Variants in ANK3 observed in about 807,000 individuals in gnomAD.
ANK3 encodes ankyrin-3.
In ANK3, 57 loss-of-function variants were observed where a neutral mutation model predicts 370.9. That is an observed-to-expected ratio of 0.15 (90% CI 0.12 to 0.19). The LOEUF is 0.19. ANK3 is among the 10% of genes least tolerant of loss of function. The pLI, the probability that ANK3 is intolerant of heterozygous loss-of-function variation, is 1.00. For missense variants in ANK3, 4,439 were observed against 5,302.1 expected (o/e 0.84, Z 5.06); for synonymous variants, 1,929 against 1,946.3 (o/e 0.99, Z 0.23).
intron 8 of ANK3, among the ~76,000 whole-genome samples, chr10:60,219,817 T>A (rs906903998): frequency 1.3e-5 from 2 of 152,178 alleles, no homozygotes; most frequent in African/African-American, 4.8e-5. Context: ...CTAATTATTC[T>A]AATGTATAAG....
intron 2 of ANK3, among the ~76,000 whole-genome samples, chr10:60,454,613 AC>A (rs1156304189): frequency 1.3e-5 from 2 of 152,106 alleles, no homozygotes; most frequent in African/African-American, 2.4e-5. Context: ...AAAATAGGCC[AC>A]CCTTTGGCTC....
At chr10:60,092,070 C>G (rs192575440) in intron 28 of ANK3, among the ~76,000 whole-genome samples, 211 of 152,210 alleles carry the variant, frequency 1.4e-3, no homozygotes, top group African/African-American at 4.9e-3. Flanking sequence ...AAGAAACATT[C>G]TAGGCTGTTA....
At chr10:60,066,881 TC>T (rs1239925226) in intron 38 of ANK3, among the ~76,000 whole-genome samples, 1 of 152,194 alleles carries the variant, frequency 6.6e-6, no homozygotes, top group Non-Finnish European at 1.5e-5. Flanking sequence ...TGCAGAATTG[TC>T]CAATTTGTCC....
chr10:60,247,893 T>C (rs570019984), intron 7 of ANK3, among the ~76,000 whole-genome samples: 103 of 152,258 alleles, frequency 6.8e-4, no homozygotes, highest in African/African-American at 2.4e-3. Context: ...TGTTGAACTC[T>C]TGACCTCAGA....
intron 23 of ANK3, chr10:60,145,834 T>C (rs932432724): frequency 4.7e-5 from 28 of 595,898 alleles, no homozygotes; most frequent in Non-Finnish European, 8.1e-5. Flanking sequence ...TTTGTCTGTT[T>C]TGCTTCATAT....
At chr10:60,251,016 A>G (rs2097655462) in intron 7 of ANK3, among the ~76,000 whole-genome samples, 1 of 152,178 alleles carries the variant, frequency 6.6e-6, no homozygotes, top group Non-Finnish European at 1.5e-5. Flanking sequence ...GTATCTTAGC[A>G]CTAGCTCCAC....
rs57300403 is a variant in ANK3 at position 60,642,794 on chromosome 10, TAA to T, written c.58-27572_58-27571del. On this transcript the variant is annotated intron_variant, in intron 1 of 43. Transcript: ENST00000373827. Reference sequence around the variant, plus strand: ...AAAGTATAATAATGATAAAATAAAATAAAGAGGCATTTTATAATAAGGAGTTA... The same window carrying T: ...AAAGTATAATAATGATAAAATAAAATAGAGGCATTTTATAATAAGGAGTTA... Among the ~76,000 whole-genome samples, 310 of 152,106 alleles carry T rather than the reference TAA, an allele frequency of 2.0e-3. 1 individual carries two copies. Among genetic ancestry groups the T allele is most frequent in the African/African-American group, 7.0e-3 (291 of 41,518 alleles).
intron 2 of ANK3, among the ~76,000 whole-genome samples, chr10:60,522,674 T>G (rs2076375476): frequency 6.6e-6 from 1 of 152,010 alleles, no homozygotes. Context: ...ATTCCTATCC[T>G]CTCCTAAATG....
Position 60,063,247 on chromosome 10 carries a change from G to C in ANK3, c.12459C>G (p.Ala4153=). The change falls in exon 40 of 44, where the codon GCC becomes GCG. Residue 4153 remains alanine, a synonymous_variant. Transcript: ENST00000280772. ...TRDGKNATTD[A]LTSVLTKINR... ...TAATTTTTGTCAAGACCGAAGTTAA[G>C]GCATCAGCTGAAAAGGAGAAAAAAA... The C allele has an allele frequency of 6.2e-7, 1 of 1,605,840 alleles. No homozygotes were observed. The highest frequency in any genetic ancestry group is 1.1e-5 in the South Asian group (1 of 88,848).
At chr10:60,497,710 C>T (rs1031790011) in intron 2 of ANK3, among the ~76,000 whole-genome samples, 2 of 152,132 alleles carry the variant, frequency 1.3e-5, no homozygotes, top group African/African-American at 4.8e-5. Context: ...GGCACTGTAG[C>T]CATCTATTTT....
At chr10:60,140,336 A>C (rs1163357802) in intron 23 of ANK3, 8 of 1,613,544 alleles carry the variant, frequency 5.0e-6, no homozygotes, top group Non-Finnish European at 5.9e-6. Flanking sequence ...CACCAAGTAC[A>C]ACTCAAAGAT....
At chr10:60,326,558 C>G (rs2049917326) in intron 1 of ANK3, among the ~76,000 whole-genome samples, 1 of 152,098 alleles carries the variant, frequency 6.6e-6, no homozygotes, top group Non-Finnish European at 1.5e-5. Context: ...AACGCTTCCT[C>G]TCCCTCCTTT....
chr10:60,493,688 G>A (rs926331966), intron 2 of ANK3, among the ~76,000 whole-genome samples: 3 of 151,710 alleles, frequency 2.0e-5, no homozygotes, highest in African/African-American at 7.3e-5. Context: ...CCAAAAAATG[G>A]GTTGGCTATA....
chr10:60,208,817 A>C (rs1045031749), intron 9 of ANK3, among the ~76,000 whole-genome samples: 2 of 152,218 alleles, frequency 1.3e-5, no homozygotes, highest in African/African-American at 4.8e-5. Context: ...AACGCATTTC[A>C]TCTCACATCA....
rs375195775 is a variant in ANK3, at chr10:60,601,344, G to T, written c.96+13842C>A. Among the ~76,000 whole-genome samples, 8 of 151,968 alleles carry T rather than the reference G, an allele frequency of 5.3e-5. No homozygotes were observed. In the East Asian group the frequency reaches 1.5e-3, roughly 29 times the overall value. ...AAAAAAAAGTTATAACGCAAAACAT[G>T]GCAAAAATTGCCTTGTTCAGGTCGT... On this transcript the variant is annotated intron_variant, in intron 2 of 43. Transcript: ENST00000373827.
intron 8 of ANK3, among the ~76,000 whole-genome samples, chr10:60,220,890 A>G (rs2097040130): frequency 6.6e-6 from 1 of 152,182 alleles, no homozygotes; most frequent in Non-Finnish European, 1.5e-5. Flanking sequence ...AGAATTTCAA[A>G]CTGTGCTCAC....
intron 7 of ANK3, among the ~76,000 whole-genome samples, chr10:60,247,503 A>G (rs2097574500): frequency 6.6e-6 from 1 of 152,188 alleles, no homozygotes; most frequent in Non-Finnish European, 1.5e-5. Flanking sequence ...CTTTATAGCC[A>G]TTAGCTACGC....
At chr10:60,145,740 G>A (rs961246160) in intron 23 of ANK3, among the ~76,000 whole-genome samples, 1 of 152,062 alleles carries the variant, frequency 6.6e-6, no homozygotes, top group African/African-American at 2.4e-5. Context: ...ACAGTGCGCT[G>A]GCCATACAAA....
At chr10:60,721,814 G>A (rs772879179) in intron 1 of ANK3, among the ~76,000 whole-genome samples, 8 of 152,154 alleles carry the variant, frequency 5.3e-5, no homozygotes, top group Non-Finnish European at 7.3e-5. Context: ...GTTTAGTGGA[G>A]GTTCTGCAAA....
Sources: allele counts gnomAD v4.1 joint callset (sites outside exome capture counted in the v4.1 genomes callset), GRCh38; gene constraint gnomAD v4.1.1; transcripts MANE v1.5; gene names NCBI Gene and HGNC (gene_info 2026-07-23, HGNC 2026-07-21).